Variants in CDHR2 observed in about 807,000 individuals in gnomAD.
CDHR2 encodes cadherin-related family member 2.
A neutral mutation model predicts 138.6 loss-of-function variants in CDHR2; 104 were observed. The observed-to-expected ratio is 0.75, with a 90% CI of 0.64 to 0.88. The LOEUF is 0.88. Ranked by LOEUF, CDHR2 falls within the 40% of genes least tolerant of loss-of-function variation. CDHR2 has a pLI of 0.00. For missense variants in CDHR2, 1,624 were observed against 1,727.6 expected (o/e 0.94, Z 1.06); for synonymous variants, 755 against 742.8 (o/e 1.02, Z -0.27).
chr5:176,585,148 A>C, intron 19 of CDHR2, 133 bp downstream of exon 19: 1 of 1,139,392 alleles, frequency 8.8e-7, no homozygotes, highest in Non-Finnish European at 1.2e-6. Context: ...ATACTGGGAA[A>C]GTCCCAAACC....
chr5:176,578,087 A>G lies in CDHR2; in HGVS notation c.1566A>G (p.Pro522=). 2.5e-6 allele frequency: 4 copies of G among 1,612,814 alleles called. No individual in the cohort carries two copies. Among genetic ancestry groups the G allele is most frequent in the Non-Finnish European group, 3.4e-6 (4 of 1,179,064 alleles). ...GCCAAATTACCTACAGCCTGCTCCC[A>G]GGAAATGGGTAAGGGCTCAGGGTGG... ...AWGQITYSLL[P]GNGADLFQVD... The change falls in exon 15 of 32, where the codon CCA becomes CCG. Residue 522 remains proline (P), a synonymous_variant. Coordinates refer to ENST00000261944, the MANE Select transcript of CDHR2 (RefSeq NM_017675.6).
Position 176,586,024 on chromosome 5 carries a change from T to G in CDHR2, c.2805T>G (p.Phe935Leu). 1 of 1,613,490 alleles carries G rather than the reference T, an allele frequency of 6.2e-7. No homozygotes were observed. The highest frequency in any genetic ancestry group is 8.5e-7 in the Non-Finnish European group (1 of 1,179,504). Residue 935 changes from phenylalanine to leucine, a missense_variant and splice_region_variant, in exon 20 of 32, where the codon TTT (phenylalanine) becomes TTG (leucine). Transcript: ENST00000261944. Reference sequence around the variant, plus strand: ...ATTTTCTGCCTGAGAATAAGACTTTTGGTAAGCAGCAACCCCATTCACACA... The same window carrying G: ...ATTTTCTGCCTGAGAATAAGACTTTGGGTAAGCAGCAACCCCATTCACACA... ...APYFLPENKT[F>L]VIIPELVLPN...
intron 21 of CDHR2, among the ~76,000 whole-genome samples, chr5:176,588,012 G>A (rs77371324): frequency 0.028 from 4,267 of 152,212 alleles, 196 homozygotes; most frequent in African/African-American, 0.097. Flanking sequence ...TAACAGTAAC[G>A]TTGGTGAACT....
chr5:176,576,069 G>C lies in CDHR2; in HGVS notation c.1078G>C (p.Ala360Pro), dbSNP rs1281529728. The C allele has an allele frequency of 6.2e-7, 1 of 1,614,112 alleles. No individual in the cohort carries two copies. Among genetic ancestry groups the C allele is most frequent in the Admixed American group, 1.7e-5 (1 of 60,018 alleles). Residue 360 changes from alanine to proline, a missense_variant, in exon 12 of 32, where the codon GCC becomes CCC. Transcript: ENST00000261944. The surrounding 1 kb of genome is among the most constrained non-coding windows in gnomAD (Gnocchi z 4.5). ...TGAGTTTTACAACTGCAGCCTCCCA[G>C]CCTGCACCTTCACCCCCGAAGAGGC... ...KPEFYNCSLPACTFTPEEAQV... is the reference protein window; with the variant it reads ...KPEFYNCSLPPCTFTPEEAQV...
In CDHR2 at chr5:176,589,599, C is replaced by T. The variant is rs1758789963; in HGVS notation, c.3189C>T (p.Asn1063=). ...FSTPKEEVGA[N]RQAINAALTQ... is the part of the protein sequence containing the mutation. The stretch of plus-strand genomic sequence containing the variant: ...CACCGAAGGAGGAGGTGGGCGCCAA[C>T]AGACAGGCGATTAATGCGTAGGTCT... Residue 1063 remains asparagine (N), a synonymous_variant, in exon 24 of 32, where the codon AAC becomes AAT. Transcript: ENST00000261944. The T allele has an allele frequency of 6.2e-7, 1 of 1,613,982 alleles. No homozygotes were observed. Among genetic ancestry groups the T allele is most frequent in the Admixed American group, 1.7e-5 (1 of 60,012 alleles).
intron 1 of CDHR2, chr5:176,556,615 A>T (rs1757832086): frequency 6.6e-6 from 1 of 152,296 alleles, no homozygotes; most frequent in South Asian, 2.1e-4. Context: ...CAGTGAGCCG[A>T]TATCCTGCCA....
At chr5:176,584,373 G>C (rs779168461) in intron 18 of CDHR2, 37 bp from the exon 19 acceptor site, 9 of 1,606,944 alleles carry the variant, frequency 5.6e-6, no homozygotes, top group Non-Finnish European at 7.7e-6. Flanking sequence ...CGATGGCGGG[G>C]TCAGGAGTCC....
chr5:176,558,107 G>C (rs755029541), intron 1 of CDHR2, among the ~76,000 whole-genome samples: 1 of 152,112 alleles, frequency 6.6e-6, no homozygotes, highest in Non-Finnish European at 1.5e-5. Context: ...TCGACCATGG[G>C]AACGGGACCC....
chr5:176,569,955 G>A (rs1446977003), intron 5 of CDHR2, among the ~76,000 whole-genome samples: 5 of 108,038 alleles, frequency 4.6e-5, no homozygotes, highest in African/African-American at 7.5e-5. Flanking sequence ...ACGAGACTCC[G>A]TCTCAAAAAA....
Position 176,575,340 on chromosome 5 carries a change from T to A in CDHR2, c.682T>A (p.Ser228Thr). The change falls in exon 9 of 32, where the codon TCC becomes ACC. Residue 228 changes from serine to threonine, a missense_variant. Transcript: ENST00000261944. Reference protein sequence around the residue: ...TIQCSLPVFLSISVVDQPDLD... With the variant: ...TIQCSLPVFLTISVVDQPDLD... The stretch of plus-strand genomic sequence containing the variant: ...CCAGTGCTCCCTGCCTGTCTTCCTG[T>A]CCATCTCCGTGGTGGACCAGCCTGA... 1 of 1,614,214 alleles carries A rather than the reference T, an allele frequency of 6.2e-7. No homozygotes were observed. Among genetic ancestry groups the A allele is most frequent in the Non-Finnish European group, 8.5e-7 (1 of 1,180,038 alleles).
chr5:176,581,030 A>T (rs1758518204), intron 16 of CDHR2, among the ~76,000 whole-genome samples: 1 of 152,184 alleles, frequency 6.6e-6, no homozygotes, highest in South Asian at 2.1e-4. Flanking sequence ...CTAGAATATC[A>T]GTAGCAAAAG....
chr5:176,560,266 G>T (rs939419960), intron 1 of CDHR2, among the ~76,000 whole-genome samples: 2 of 151,960 alleles, frequency 1.3e-5, no homozygotes, highest in Non-Finnish European at 2.9e-5. Context: ...GCGTGGTGGC[G>T]CACCCTGTAA....
At chr5:176,571,681 C>T (rs1023702942) in intron 6 of CDHR2, among the ~76,000 whole-genome samples, 85 of 152,264 alleles carry the variant, frequency 5.6e-4, no homozygotes, top group Middle Eastern at 6.8e-3. Flanking sequence ...GGACTACAGG[C>T]GCCCGCCACC....
chr5:176,575,984 G>A lies in CDHR2; in HGVS notation c.993G>A (p.Gln331=). 3.7e-6 allele frequency: 6 copies of A among 1,613,950 alleles called. No homozygotes were observed. The highest frequency in any genetic ancestry group is 5.1e-6 in the Non-Finnish European group (6 of 1,179,968). ...ATETHLNIYG[Q]EAKVSIWVTV... ...AGACACACCTCAACATCTACGGGCA[G>A]GAGGCCAAGGTGAGCATCTGGGTGA... The change falls in exon 12 of 32, where the codon CAG becomes CAA. Residue 331 remains glutamine (Q), a synonymous_variant. Transcript: ENST00000261944.
At chr5:176,569,067 T>G in intron 5 of CDHR2, 57 bp downstream of exon 5, 3 of 1,550,982 alleles carry the variant, frequency 1.9e-6, no homozygotes, top group Non-Finnish European at 2.7e-6. Context: ...TTCCTGATTG[T>G]GTCCCCACCT....
chr5:176,543,851 A>C lies in CDHR2; in HGVS notation c.-16+1082A>C, dbSNP rs775863853. Reference sequence around the variant, plus strand: ...GAGGAGGATGGGAGACTCCAGTGACAACAAAACGAGGCGGCCGGCCGAGAC... The same window carrying C: ...GAGGAGGATGGGAGACTCCAGTGACCACAAAACGAGGCGGCCGGCCGAGAC... On this transcript the variant is annotated intron_variant, in intron 1 of 31. Coordinates refer to the CDHR2 transcript ENST00000510636. This position sits in a 1 kb window ranked among gnomAD's most constrained non-coding sequence, Gnocchi z 4.0. 5.2e-5 allele frequency: 8 copies of C among 152,426 alleles called. No homozygotes were observed. The highest frequency in any genetic ancestry group is 1.5e-5 in the Non-Finnish European group (1 of 68,220). The allele number at this position is 152,426 out of a possible 1,614,324, so 9.4% of individuals were successfully genotyped here.
chr5:176,592,801 G>A, intron 31 of CDHR2, 21 bp downstream of exon 31: 2 of 1,610,664 alleles, frequency 1.2e-6, no homozygotes, highest in Non-Finnish European at 1.7e-6. Flanking sequence ...GGATGAATTG[G>A]TGCCTGGAGG....
chr5:176,548,251 A>G (rs1041995788), upstream of CDHR2, among the ~76,000 whole-genome samples: 1 of 152,236 alleles, frequency 6.6e-6, no homozygotes, highest in Non-Finnish European at 1.5e-5. Flanking sequence ...ATGACTATAT[A>G]TCTATTGTGA....
intron 3 of CDHR2, 35 bp downstream of exon 3, chr5:176,565,778 G>T: frequency 6.3e-7 from 1 of 1,579,232 alleles, no homozygotes. Flanking sequence ...CCCATGTCAG[G>T]TCCTGACCCA....
Sources: allele counts gnomAD v4.1 joint callset (sites outside exome capture counted in the v4.1 genomes callset), GRCh38; gene constraint gnomAD v4.1.1; non-coding constraint Gnocchi (gnomAD v3.1); transcripts MANE v1.5; gene names NCBI Gene and HGNC (gene_info 2026-07-23, HGNC 2026-07-21).